Variants in BBX observed in about 807,000 individuals in gnomAD.
BBX encodes the protein HMG box transcription factor BBX.
A neutral mutation model predicts 100.2 loss-of-function variants in BBX; 30 were observed. The ratio of observed to expected loss-of-function variants is 0.30; its 90% confidence interval spans 0.22 to 0.41. The LOEUF (loss-of-function observed/expected upper bound fraction) is 0.41. Among genes scored for constraint, BBX ranks in the 10% least tolerant of loss-of-function variants. BBX has a pLI of 1.00. For synonymous variants in BBX, 376 were observed against 388.1 expected (o/e 0.97, Z 0.37); for missense variants, 1,023 against 1,129.8 (o/e 0.91, Z 1.35).
chr3:107,703,716 T>G (rs2061223911), intron 3 of BBX, among the ~76,000 whole-genome samples: 1 of 152,194 alleles, frequency 6.6e-6, no homozygotes, highest in South Asian at 2.1e-4. Context: ...GAGTATTACT[T>G]TATTGAATGA....
At chr3:107,758,375 T>C (rs2065647194) in intron 10 of BBX, among the ~76,000 whole-genome samples, 1 of 152,126 alleles carries the variant, frequency 6.6e-6, no homozygotes, top group South Asian at 2.1e-4. Context: ...ATTATAAAGA[T>C]GTATGAGTTT....
At chr3:107,537,925 C>G (rs1213585484) in intron 2 of BBX, among the ~76,000 whole-genome samples, 2 of 152,172 alleles carry the variant, frequency 1.3e-5, no homozygotes, top group Non-Finnish European at 2.9e-5. Flanking sequence ...AGAATTTGTT[C>G]AAAGCTCACA....
In BBX at chr3:107,809,496, C is replaced by T. The variant is rs576519039; in HGVS notation, c.*4039C>T. The T allele has an allele frequency of 6.6e-6, 1 of 152,360 alleles. No homozygotes were observed. The highest frequency in any genetic ancestry group is 2.4e-5 in the African/African-American group (1 of 41,582). The allele number at this position is 152,360 out of a possible 1,614,324, so 9.4% of individuals were successfully genotyped here. A position where few individuals can be genotyped will look rare whatever the true frequency, so the allele number is the denominator to read the frequency against. ...AGGAGATTCACCTTCAATTGCACTG[C>T]TCCACAGAGCCCTCATATAAGGCCA... On this transcript the variant is annotated 3_prime_UTR_variant, in exon 18 of 18. Coordinates refer to ENST00000325805, the MANE Select transcript of BBX (RefSeq NM_001142568.3).
At position 107,674,990 on chromosome 3, in the gene BBX, A is replaced by G. The variant is rs940188915; in HGVS notation, c.-10+29081A>G. ...ATTTAGCTAAGGCATGCTCCTGCTT[A>G]CAGAGTCCAAGTTTTCAGACTTCCA... On this transcript the variant is annotated intron_variant, in intron 3 of 17. Coordinates refer to ENST00000325805, the MANE Select transcript of BBX (RefSeq NM_001142568.3). Among the ~76,000 whole-genome samples, 6 of 152,328 alleles carry G rather than the reference A, an allele frequency of 3.9e-5. No homozygotes were observed. The South Asian group carries it at 1.2e-3, about 32-fold the overall frequency.
intron 6 of BBX, 60 bp downstream of exon 6, chr3:107,729,020 AT>A: frequency 6.5e-7 from 1 of 1,532,618 alleles, no homozygotes; most frequent in South Asian, 1.2e-5. Flanking sequence ...TTTCGGCAGC[AT>A]TTTAAACAAT....
At chr3:107,683,218 A>G (rs2059661349) in intron 3 of BBX, among the ~76,000 whole-genome samples, 1 of 152,128 alleles carries the variant, frequency 6.6e-6, no homozygotes, top group African/African-American at 2.4e-5. Context: ...TGATTTTGCC[A>G]TCAAATTCCT....
intron 3 of BBX, among the ~76,000 whole-genome samples, chr3:107,700,505 G>GCCT (rs2060963562): frequency 6.7e-6 from 1 of 149,800 alleles, no homozygotes; most frequent in African/African-American, 2.5e-5. Context: ...TGTTACGTAT[G>GCCT]TATACATGTG....
intron 2 of BBX, among the ~76,000 whole-genome samples, chr3:107,629,783 G>A (rs2056433474): frequency 6.6e-6 from 1 of 152,146 alleles, no homozygotes; most frequent in Non-Finnish European, 1.5e-5. Flanking sequence ...ACATAGGAAA[G>A]GGCATGATGA....
intron 3 of BBX, among the ~76,000 whole-genome samples, chr3:107,690,887 C>T (rs1057129340): frequency 1.3e-4 from 11 of 86,990 alleles, no homozygotes; most frequent in African/African-American, 3.6e-4. Flanking sequence ...TTGATGCCCC[C>T]CCCCCTTTTT....
At chr3:107,594,211 C>T (rs2053526246) in intron 2 of BBX, among the ~76,000 whole-genome samples, 1 of 151,916 alleles carries the variant, frequency 6.6e-6, no homozygotes, top group African/African-American at 2.4e-5. Flanking sequence ...GGGCTGTTTC[C>T]CTTTCCTCCC....
chr3:107,732,313 A>G (rs925064556), intron 6 of BBX, among the ~76,000 whole-genome samples: 1 of 152,210 alleles, frequency 6.6e-6, no homozygotes, highest in African/African-American at 2.4e-5. Flanking sequence ...TAGTGAAAAC[A>G]AAGACTTTGA....
intron 2 of BBX, among the ~76,000 whole-genome samples, chr3:107,615,562 A>G (rs951420653): frequency 1.3e-5 from 2 of 152,124 alleles, no homozygotes; most frequent in Non-Finnish European, 2.9e-5. Flanking sequence ...CGATCTAATC[A>G]CTACCTCAAA....
intron 10 of BBX, among the ~76,000 whole-genome samples, chr3:107,767,336 C>T (rs1576706848): frequency 6.6e-6 from 1 of 151,930 alleles, no homozygotes; most frequent in East Asian, 1.9e-4. Flanking sequence ...GGTAAAGAGG[C>T]ATCAGGGTAA....
intron 3 of BBX, among the ~76,000 whole-genome samples, chr3:107,665,565 G>A (rs1215223041): frequency 6.6e-6 from 1 of 152,062 alleles, no homozygotes; most frequent in African/African-American, 2.4e-5. Flanking sequence ...CCAAGCAAGT[G>A]GGGGCATACA....
rs1315984751 is a variant in BBX at position 107,805,875 on chromosome 3, C to T, written c.*418C>T. 5.5e-6 allele frequency: 1 copy of T among 181,460 alleles called. No homozygotes were observed. The highest frequency in any genetic ancestry group is 2.3e-5 in the African/African-American group (1 of 42,564). 11.2% of individuals were successfully genotyped at this position (181,460 alleles called of 1,614,324 possible). ...CAAAAAAAAAACAAAAACTGACGCA[C>T]TGCACTAGTTATTATTAGATATTCT... is the stretch of plus-strand genomic sequence containing the variant. On this transcript the variant is annotated 3_prime_UTR_variant, in exon 18 of 18. Transcript: ENST00000325805.
At chr3:107,712,447 G>T (rs1377265517) in intron 4 of BBX, among the ~76,000 whole-genome samples, 2 of 152,092 alleles carry the variant, frequency 1.3e-5, no homozygotes, top group Non-Finnish European at 2.9e-5. Flanking sequence ...CCCTTTCTCA[G>T]TAAAGGGCAA....
At chr3:107,678,036 G>T (rs951170711) in intron 3 of BBX, among the ~76,000 whole-genome samples, 4 of 151,798 alleles carry the variant, frequency 2.6e-5, no homozygotes, top group African/African-American at 9.7e-5. Context: ...CATTCTTTCA[G>T]GCTTTTTTGG....
chr3:107,660,373 G>A (rs2058381267), intron 3 of BBX, among the ~76,000 whole-genome samples: 1 of 151,758 alleles, frequency 6.6e-6, no homozygotes, highest in East Asian at 1.9e-4. Context: ...TTCAACTTTA[G>A]TCTCTTTCCT....
At chr3:107,792,306 TTGTTTCAACTCC>T (rs1485238362) in intron 15 of BBX, among the ~76,000 whole-genome samples, 3 of 152,222 alleles carry the variant, frequency 2.0e-5, no homozygotes, top group Non-Finnish European at 2.9e-5. Flanking sequence ...TAGAGATGAT[TTGTTTCAACTCC>T]TTTGATTCAC....
Sources: gnomAD v4.1 joint callset for allele counts (sites outside exome capture counted in the v4.1 genomes callset) on GRCh38, gnomAD v4.1.1 for gene constraint, MANE v1.5 for transcripts, NCBI Gene and HGNC (gene_info 2026-07-23, HGNC 2026-07-21) for gene names.